Variants in MAGI2 observed in about 807,000 individuals in gnomAD.
The protein encoded by MAGI2 is membrane-associated guanylate kinase, WW and PDZ domain-containing protein 2.
In MAGI2, 35 loss-of-function variants were observed where a neutral mutation model predicts 133.3. The ratio of observed to expected loss-of-function variants is 0.26; its 90% CI spans 0.20 to 0.35. MAGI2 has a LOEUF of 0.35. Among genes scored for constraint, MAGI2 ranks in the 10% least tolerant of loss-of-function variants. The pLI, the probability that MAGI2 is intolerant of heterozygous loss-of-function variation, is 1.00. For missense variants in MAGI2, 1,636 were observed against 1,863.4 expected, an observed-to-expected ratio of 0.88 and a Z score of 2.25; for synonymous variants, 729 against 710.6, an observed-to-expected ratio of 1.03 and a Z score of -0.41.
At chr7:78,260,896 G>C (rs1793453825) in intron 9 of MAGI2, among the ~76,000 whole-genome samples, 1 of 152,044 alleles carries the variant, frequency 6.6e-6, no homozygotes, top group Non-Finnish European at 1.5e-5. Context: ...CTTAGTCATG[G>C]GAATCAAAAT....
chr7:78,912,733 CATATATATATCATTCATAT>C (rs1273971055), intron 2 of MAGI2, among the ~76,000 whole-genome samples: 13 of 144,148 alleles, frequency 9.0e-5, no homozygotes, highest in South Asian at 2.2e-4. Flanking sequence ...ATATATCATT[CATATATATATCATTCATAT>C]ATATATATAT....
At chr7:78,285,423 T>G (rs1292407524) in intron 9 of MAGI2, among the ~76,000 whole-genome samples, 1 of 152,128 alleles carries the variant, frequency 6.6e-6, no homozygotes. Context: ...CTAGTCATTT[T>G]GCTGGTGCTG....
At chr7:78,762,462 A>G (rs1195045408) in intron 2 of MAGI2, among the ~76,000 whole-genome samples, 1 of 152,036 alleles carries the variant, frequency 6.6e-6, no homozygotes, top group Non-Finnish European at 1.5e-5. Context: ...AACCAAACAA[A>G]CAAAAAACAA....
intron 1 of MAGI2, among the ~76,000 whole-genome samples, chr7:79,449,964 TATG>T (rs747920289): frequency 6.7e-5 from 10 of 149,770 alleles, no homozygotes; most frequent in East Asian, 4.0e-4. Flanking sequence ...AGATGAAAAT[TATG>T]ATAACTGTAA....
chr7:79,171,770 A>ATATATATATATATATATATTTTTTTT, intron 1 of MAGI2, among the ~76,000 whole-genome samples: 6 of 31,216 alleles, frequency 1.9e-4, no homozygotes, highest in East Asian at 6.5e-4. Context: ...ATATATATAT[A>ATATATATATATATATATATTTTTTTT]TTTTTTTTTT....
chr7:79,400,878 G>A (rs754530417), intron 1 of MAGI2, among the ~76,000 whole-genome samples: 3 of 152,034 alleles, frequency 2.0e-5, no homozygotes, highest in Non-Finnish European at 4.4e-5. Flanking sequence ...TTTTTTAGAA[G>A]AGCCTGCCTC....
At chr7:78,379,700 C>T (rs1180929326) in intron 6 of MAGI2, among the ~76,000 whole-genome samples, 2 of 151,966 alleles carry the variant, frequency 1.3e-5, no homozygotes, top group African/African-American at 4.8e-5. Flanking sequence ...TACTCCCTTT[C>T]TTTCCATCCA....
At chr7:78,192,213 G>A (rs894736609) in intron 12 of MAGI2, among the ~76,000 whole-genome samples, 5 of 152,048 alleles carry the variant, frequency 3.3e-5, no homozygotes, top group African/African-American at 1.2e-4. Flanking sequence ...CACCTTCCCT[G>A]GTTGCACTGA....
rs184519461 is a variant in MAGI2, at chr7:78,760,587, C to G, written c.419-133348G>C. On this transcript the variant is annotated intron_variant, in intron 2 of 21. Transcript: ENST00000354212. ...CTCTATCTTAGCTAACGAAGTAACC[C>G]CCTTTCCTAGCAAATTCTGACATTA... 1.1e-4 allele frequency among the ~76,000 whole-genome samples: 16 copies of G among 152,076 alleles called. 1 individual carries two copies. In the East Asian group the frequency reaches 3.1e-3, roughly 29 times the overall value.
At chr7:78,452,865 TA>T (rs1385693920) in intron 6 of MAGI2, among the ~76,000 whole-genome samples, 2 of 152,162 alleles carry the variant, frequency 1.3e-5, no homozygotes, top group Admixed American at 1.3e-4. Context: ...TGTTAGTATT[TA>T]TTAGCATATT....
chr7:78,409,389 CTA>C (rs1342365263), intron 6 of MAGI2, among the ~76,000 whole-genome samples: 4 of 152,088 alleles, frequency 2.6e-5, no homozygotes, highest in African/African-American at 9.7e-5. Flanking sequence ...AAGAACTTGC[CTA>C]AACTCACACA....
At chr7:78,825,791 T>C (rs1790574994) in intron 2 of MAGI2, among the ~76,000 whole-genome samples, 1 of 152,172 alleles carries the variant, frequency 6.6e-6, no homozygotes, top group Non-Finnish European at 1.5e-5. Flanking sequence ...CTGTAAGCAA[T>C]GGTATTGGCC....
chr7:78,137,032 C>A (rs1822216903), intron 16 of MAGI2, among the ~76,000 whole-genome samples: 1 of 152,140 alleles, frequency 6.6e-6, no homozygotes, highest in Admixed American at 6.5e-5. Flanking sequence ...TGCTAATGAT[C>A]ATCTTAGAAT....
intron 1 of MAGI2, among the ~76,000 whole-genome samples, chr7:79,102,054 T>C (rs1818032882): frequency 6.6e-6 from 1 of 152,150 alleles, no homozygotes; most frequent in South Asian, 2.1e-4. Context: ...ATAAATATTT[T>C]CTACAACATG....
At chr7:78,931,558 G>T (rs929978453) in intron 2 of MAGI2, among the ~76,000 whole-genome samples, 1 of 151,976 alleles carries the variant, frequency 6.6e-6, no homozygotes, top group Non-Finnish European at 1.5e-5. Context: ...TGATGAACAT[G>T]TAGAGTAAAT....
chr7:78,454,898 G>A (rs933137104), intron 6 of MAGI2, among the ~76,000 whole-genome samples: 17 of 152,268 alleles, frequency 1.1e-4, no homozygotes, highest in African/African-American at 4.1e-4. Flanking sequence ...CAGTGGTTAA[G>A]GGTTGGAAAG....
chr7:78,100,141 C>T (rs550210859), intron 20 of MAGI2, among the ~76,000 whole-genome samples: 3 of 152,254 alleles, frequency 2.0e-5, no homozygotes, highest in African/African-American at 7.2e-5. Context: ...TAGGGCGTAA[C>T]TATGAGCCTA....
chr7:79,382,164 G>A lies in MAGI2; in HGVS notation c.301+70856C>T, dbSNP rs537696806. Among the ~76,000 whole-genome samples the A allele has an allele frequency of 4.0e-5, 6 of 151,668 alleles. 1 individual carries two copies. In the South Asian group the frequency reaches 1.0e-3, roughly 26 times the overall value. On this transcript the variant is annotated intron_variant, in intron 1 of 21. Transcript: ENST00000354212. ...CTTACATTTTTATGCTCAACCATAA[G>A]TTATTTATCTAGACAGGGATCTCAC...
intron 20 of MAGI2, among the ~76,000 whole-genome samples, chr7:78,088,334 C>T (rs1816841282): frequency 6.6e-6 from 1 of 152,168 alleles, no homozygotes; most frequent in South Asian, 2.1e-4. Flanking sequence ...ACCTTCTCTC[C>T]TCTCTGACCT....
Sources: allele counts gnomAD v4.1 joint callset (sites outside exome capture counted in the v4.1 genomes callset), GRCh38; gene constraint gnomAD v4.1.1; transcripts MANE v1.5; gene names NCBI Gene and HGNC (gene_info 2026-07-23, HGNC 2026-07-21).